METTL15: variants seen among roughly 807,000 people sequenced by gnomAD.
METTL15 encodes the protein 12S rRNA N(4)-cytidine methyltransferase METTL15.
Under a neutral mutation model 38.3 loss-of-function variants are expected in METTL15, and 34 were observed. The observed-to-expected ratio is 0.89, with a 90% CI of 0.68 to 1.18. METTL15 has a LOEUF of 1.18. Among genes scored for constraint, METTL15 ranks in the 50% most tolerant of loss-of-function variants. The pLI, the probability that METTL15 is intolerant of heterozygous loss-of-function variation, is 0.00. For missense variants in METTL15, 438 were observed against 498.4 expected (o/e 0.88, Z 1.15); for synonymous variants, 162 against 170.9 (o/e 0.95, Z 0.41).
At chr11:28,163,589 C>G (rs1850550921) in intron 3 of METTL15, 1 of 394,812 alleles carries the variant, frequency 2.5e-6, no homozygotes, top group African/African-American at 2.1e-5. Flanking sequence ...AATACACAAT[C>G]AAATGTATTT....
intron 4 of METTL15, among the ~76,000 whole-genome samples, chr11:28,255,203 G>A (rs940537717): frequency 6.6e-6 from 1 of 151,908 alleles, no homozygotes. Flanking sequence ...TAATTGCTAG[G>A]TATTTAATTT....
At chr11:28,123,833 T>C (rs1429454163) in intron 3 of METTL15, 4 of 1,391,654 alleles carry the variant, frequency 2.9e-6, no homozygotes, top group Admixed American at 4.7e-5. Flanking sequence ...AATCTTTCTT[T>C]TGTTACATGT....
chr11:28,115,936 A>ACACACACT (rs10677776), intron 3 of METTL15, among the ~76,000 whole-genome samples: 1 of 13,432 alleles, frequency 7.4e-5, no homozygotes, highest in African/African-American at 2.0e-4. Context: ...ACATACACAT[A>ACACACACT]CACACACACA....
intron 4 of METTL15, among the ~76,000 whole-genome samples, chr11:28,272,322 A>T (rs1188348014): frequency 6.6e-6 from 1 of 152,160 alleles, no homozygotes; most frequent in Non-Finnish European, 1.5e-5. Context: ...CCAACTCAAA[A>T]GCCCATCAGT....
rs143362091 is a variant in METTL15, at chr11:28,302,717, G to A, written c.778+5786G>A. 7.2e-5 allele frequency among the ~76,000 whole-genome samples: 11 copies of A among 152,194 alleles called. No individual in the cohort carries two copies. In the East Asian group the frequency reaches 1.2e-3, roughly 16 times the overall value. The stretch of plus-strand genomic sequence containing the variant: ...TCAGCAGCATGAAAATGACCAATAC[G>A]TCCCCCACAACATTAACACTAACAT... On this transcript the variant is annotated intron_variant, in intron 6 of 6. Coordinates refer to ENST00000407364, the MANE Select transcript of METTL15 (RefSeq NM_001113528.2).
At chr11:28,370,670 C>T (rs1190150403) in intron 5 of METTL15, among the ~76,000 whole-genome samples, 1 of 151,896 alleles carries the variant, frequency 6.6e-6, no homozygotes, top group Non-Finnish European at 1.5e-5. Context: ...ACATACTCAC[C>T]AATGGTGTAC....
rs2134069238 is a variant in METTL15, at chr11:28,333,460, G to A, written c.*2619G>A. 6.6e-6 allele frequency: 1 copy of A among 152,210 alleles called. No homozygotes were observed. The highest frequency in any genetic ancestry group is 2.1e-4 in the South Asian group (1 of 4,828). The allele number at this position is 152,210 out of a possible 1,614,324, so 9.4% of individuals were successfully genotyped here. Reference sequence around the variant, plus strand: ...ACAGTACACAGAAATAAAAGCTAATGTTACTATGAATGCGCATTACTTTTC... The same window carrying A: ...ACAGTACACAGAAATAAAAGCTAATATTACTATGAATGCGCATTACTTTTC... On this transcript the variant is annotated 3_prime_UTR_variant, in exon 7 of 7. Transcript: ENST00000407364.
intron 5 of METTL15, among the ~76,000 whole-genome samples, chr11:28,376,949 GTT>G: frequency 7.7e-6 from 1 of 129,724 alleles, no homozygotes. Context: ...GAAATTCTGG[GTT>G]GAAAATTCTT....
intron 5 of METTL15, among the ~76,000 whole-genome samples, chr11:28,291,485 C>T (rs556140350): frequency 4.3e-4 from 66 of 152,202 alleles, no homozygotes; most frequent in African/African-American, 1.5e-3. Flanking sequence ...ATACCATGCC[C>T]CACCACAAAC....
At chr11:28,185,874 A>G (rs564265380) in intron 3 of METTL15, among the ~76,000 whole-genome samples, 11 of 149,528 alleles carry the variant, frequency 7.4e-5, no homozygotes, top group African/African-American at 2.7e-4. Flanking sequence ...TTGGGGAGAT[A>G]TAATTAATAT....
chr11:28,359,995 A>C lies in METTL15; in HGVS notation c.*259-1942A>C, dbSNP rs145039294. 3.3e-5 allele frequency among the ~76,000 whole-genome samples: 5 copies of C among 152,264 alleles called. No individual in the cohort carries two copies. The East Asian group carries it at 9.7e-4, about 29-fold the overall frequency. On this transcript the variant is annotated intron_variant and NMD_transcript_variant, in intron 4 of 7. Coordinates refer to the METTL15 transcript ENST00000532947. The stretch of plus-strand genomic sequence containing the variant: ...AAATTTGATTCTGGATATGTTGTTA[A>C]AGGACTTACAAAAGAAGCCCAACCC...
chr11:28,518,945 A>T (rs984792815), intron 6 of METTL15: 1 of 152,232 alleles, frequency 6.6e-6, no homozygotes, highest in African/African-American at 2.4e-5. Context: ...AACATTTCAT[A>T]TATGTATCTG....
At chr11:28,422,700 AG>A (rs1209583762) in intron 5 of METTL15, among the ~76,000 whole-genome samples, 2 of 152,096 alleles carry the variant, frequency 1.3e-5, no homozygotes, top group Non-Finnish European at 2.9e-5. Flanking sequence ...TAAAATCAAA[AG>A]GGATTAAAAA....
At chr11:28,204,435 CTTTTTTTTTTT>C (rs59729387) in intron 3 of METTL15, among the ~76,000 whole-genome samples, 4 of 79,338 alleles carry the variant, frequency 5.0e-5, no homozygotes, top group Admixed American at 4.0e-4. Context: ...CTGAGTTTTC[CTTTTTTTTTTT>C]TTTTTTTTTT....
At chr11:28,268,005 G>A (rs1024553183) in intron 4 of METTL15, among the ~76,000 whole-genome samples, 2 of 151,584 alleles carry the variant, frequency 1.3e-5, no homozygotes, top group East Asian at 1.9e-4. Context: ...AGACCATCCC[G>A]GCTAAAACGG....
At chr11:28,283,106 T>C (rs1471112571) in intron 4 of METTL15, among the ~76,000 whole-genome samples, 2 of 152,218 alleles carry the variant, frequency 1.3e-5, no homozygotes, top group Admixed American at 1.3e-4. Context: ...TTAATACTAT[T>C]GGTTAGGCTG....
intron 6 of METTL15, among the ~76,000 whole-genome samples, chr11:28,448,939 C>T (rs1851096886): frequency 1.3e-5 from 2 of 152,064 alleles, no homozygotes; most frequent in African/African-American, 4.8e-5. Context: ...AAATAATTTG[C>T]ATTTGGGAGG....
chr11:28,494,877 A>G lies in METTL15; in HGVS notation c.*425-31601A>G, dbSNP rs577750679. On this transcript the variant is annotated intron_variant and NMD_transcript_variant, in intron 6 of 7. Coordinates refer to the METTL15 transcript ENST00000532947. ...AGTCAATTAAGCCTATTTCCCTTAT[A>G]AATTACCTAGTCTCAGGTATGTCTT... Among the ~76,000 whole-genome samples, 4 of 152,326 alleles carry G rather than the reference A, an allele frequency of 2.6e-5. No homozygotes were observed. In the South Asian group the frequency reaches 8.3e-4, roughly 32 times the overall value.
chr11:28,338,967 C>T (rs190273981), intron 3 of METTL15, among the ~76,000 whole-genome samples: 149 of 152,128 alleles, frequency 9.8e-4, no homozygotes, highest in African/African-American at 3.5e-3. Context: ...TTTGTAGCTG[C>T]CAATTGTGAG....
Sources: gnomAD v4.1 joint callset for allele counts (sites outside exome capture counted in the v4.1 genomes callset) on GRCh38, gnomAD v4.1.1 for gene constraint, MANE v1.5 for transcripts, NCBI Gene and HGNC (gene_info 2026-07-23, HGNC 2026-07-21) for gene names.